The following FGGY variants were observed in gnomAD, a reference collection of about 807,000 sequenced individuals.
FGGY encodes FGGY carbohydrate kinase domain containing.
Under a neutral mutation model 71.3 loss-of-function variants are expected in FGGY, and 72 were observed. The ratio of observed to expected loss-of-function variants is 1.01; its 90% CI spans 0.84 to 1.23. The LOEUF (loss-of-function observed/expected upper bound fraction) is 1.23. Ranked by LOEUF, FGGY falls within the 50% of genes most tolerant of loss-of-function variation. FGGY has a pLI of 0.00. For missense variants in FGGY, 668 were observed against 682.3 expected (o/e 0.98, Z 0.23); for synonymous variants, 251 against 250.3 (o/e 1.00, Z -0.02).
intron 6 of FGGY, among the ~76,000 whole-genome samples, chr1:59,466,232 C>A (rs866043453): frequency 6.6e-6 from 1 of 152,076 alleles, no homozygotes; most frequent in South Asian, 2.1e-4. Flanking sequence ...TTTGACAAAC[C>A]TGACAAAAAC....
At chr1:59,746,374 C>T (rs2098197881) in intron 14 of FGGY, among the ~76,000 whole-genome samples, 1 of 152,148 alleles carries the variant, frequency 6.6e-6, no homozygotes, top group Non-Finnish European at 1.5e-5. Flanking sequence ...ACTTACCTTT[C>T]AATAAAGTTT....
chr1:59,464,927 G>A (rs992128198), intron 6 of FGGY, among the ~76,000 whole-genome samples: 5 of 151,396 alleles, frequency 3.3e-5, no homozygotes, highest in Admixed American at 6.6e-5. Context: ...ATTCACAGCC[G>A]ACTTCTACAA....
chr1:59,333,692 G>A (rs994372387), intron 2 of FGGY, among the ~76,000 whole-genome samples: 11 of 152,206 alleles, frequency 7.2e-5, no homozygotes, highest in Non-Finnish European at 1.0e-4. Context: ...GAGAGGAGTT[G>A]CAATGGCTAG....
chr1:59,319,430 A>C (rs2045995760), intron 1 of FGGY, among the ~76,000 whole-genome samples: 1 of 152,204 alleles, frequency 6.6e-6, no homozygotes, highest in Non-Finnish European at 1.5e-5. Context: ...GAAGACAGAC[A>C]TGGAAAGAAA....
rs202093249 is a variant in FGGY, at chr1:59,697,424, C to CCT, written c.1512+23293_1512+23294dup. Among the ~76,000 whole-genome samples, 1,122 of 152,222 alleles carry CCT rather than the reference C, an allele frequency of 7.4e-3. 10 individuals carry two copies. Among genetic ancestry groups the CCT allele is most frequent in the African/African-American group, 0.025 (1,025 of 41,538 alleles). ...TGTGAATTTAACTACTCTTTAGATA[C>CCT]CTCATATAAGTGGAATCATACAGCA... On this transcript the variant is annotated intron_variant, in intron 14 of 15. Coordinates refer to ENST00000303721, the MANE Select transcript of FGGY (RefSeq NM_018291.5).
intron 5 of FGGY, among the ~76,000 whole-genome samples, chr1:59,382,195 C>T (rs2059546443): frequency 6.6e-6 from 1 of 152,130 alleles, no homozygotes; most frequent in Admixed American, 6.6e-5. Flanking sequence ...TACCCTCTTT[C>T]CTTCTTGTTT....
At chr1:59,576,544 G>A (rs537012112) in intron 8 of FGGY, among the ~76,000 whole-genome samples, 11 of 152,166 alleles carry the variant, frequency 7.2e-5, no homozygotes, top group East Asian at 1.9e-4. Context: ...TTCTGCACAC[G>A]TATCCCAGAA....
At chr1:59,517,530 G>T (rs2094697890) in intron 7 of FGGY, among the ~76,000 whole-genome samples, 1 of 152,214 alleles carries the variant, frequency 6.6e-6, no homozygotes, top group South Asian at 2.1e-4. Flanking sequence ...CTCCCAATCA[G>T]TTGCTCTTAT....
chr1:59,660,095 A>G lies in FGGY; in HGVS notation c.1222-124A>G, dbSNP rs553049642. The G allele has an allele frequency of 2.8e-5, 22 of 789,160 alleles. No individual in the cohort carries two copies. The Admixed American group carries it at 3.6e-4, about 13-fold the overall frequency. 48.9% of individuals were successfully genotyped at this position (789,160 alleles called of 1,614,324 possible). On this transcript the variant is annotated intron_variant, in intron 11 of 15. Transcript: ENST00000303721. The stretch of plus-strand genomic sequence containing the variant: ...GGCATTTCACGTTCCGCTCACAAAA[A>G]GGGGATTTGCATATGAACTTGTTTC...
chr1:59,664,463 C>T (rs1311085663), intron 12 of FGGY, among the ~76,000 whole-genome samples: 1 of 152,228 alleles, frequency 6.6e-6, no homozygotes, highest in Non-Finnish European at 1.5e-5. Flanking sequence ...TTCCTTTTCC[C>T]AGGAAATGTG....
At chr1:59,391,501 G>A (rs2060688183) in intron 5 of FGGY, among the ~76,000 whole-genome samples, 1 of 152,218 alleles carries the variant, frequency 6.6e-6, no homozygotes. Context: ...GGCAAAGTCT[G>A]AGGAAGGTTG....
intron 8 of FGGY, among the ~76,000 whole-genome samples, chr1:59,575,340 A>G (rs935643181): frequency 6.6e-6 from 1 of 152,198 alleles, no homozygotes; most frequent in Non-Finnish European, 1.5e-5. Flanking sequence ...AGCTTTACAT[A>G]TAAGTGAAAT....
intron 1 of FGGY, among the ~76,000 whole-genome samples, chr1:59,309,463 G>A (rs1250048838): frequency 6.6e-6 from 1 of 152,178 alleles, no homozygotes; most frequent in Admixed American, 6.5e-5. Flanking sequence ...GAGGCAGGGA[G>A]CTAAGGTTAG....
At chr1:59,740,955 T>C (rs978299446) in intron 14 of FGGY, among the ~76,000 whole-genome samples, 2 of 152,234 alleles carry the variant, frequency 1.3e-5, no homozygotes, top group African/African-American at 4.8e-5. Context: ...ATCTCATAAA[T>C]AATTTTTGTA....
At chr1:59,715,082 G>A (rs2097834518) in intron 14 of FGGY, among the ~76,000 whole-genome samples, 1 of 152,066 alleles carries the variant, frequency 6.6e-6, no homozygotes, top group African/African-American at 2.4e-5. Context: ...TAACAGCTTG[G>A]GATTCTTGTC....
intron 11 of FGGY, among the ~76,000 whole-genome samples, chr1:59,658,344 G>T (rs1221552994): frequency 6.6e-6 from 1 of 152,182 alleles, no homozygotes; most frequent in African/African-American, 2.4e-5. Context: ...CACAGTTAAT[G>T]GCTTAGGATG....
chr1:59,380,817 T>C lies in FGGY; in HGVS notation c.554+1980T>C, dbSNP rs1027496679. 4.6e-5 allele frequency among the ~76,000 whole-genome samples: 7 copies of C among 151,612 alleles called. No homozygotes were observed. The East Asian group carries it at 5.8e-4, about 13-fold the overall frequency. ...TTTAATGAGATCCCATTTGTCAATT[T>C]TGGCTTTTGTTGCCATTGCTTTTGG... is the stretch of plus-strand genomic sequence containing the variant. On this transcript the variant is annotated intron_variant, in intron 5 of 15. Transcript: ENST00000303721.
chr1:59,547,567 TCTATTTGTAAATCAAAGTGATAATAA>T (rs1183102613), intron 7 of FGGY, among the ~76,000 whole-genome samples: 1 of 152,174 alleles, frequency 6.6e-6, no homozygotes, highest in Non-Finnish European at 1.5e-5. Flanking sequence ...TCTCCTTTTC[TCTATTTGTAAATCAAAGTGATAATAA>T]CTACCTTGCA....
intron 8 of FGGY, among the ~76,000 whole-genome samples, chr1:59,570,622 G>A (rs2095968756): frequency 6.6e-6 from 1 of 152,132 alleles, no homozygotes; most frequent in Non-Finnish European, 1.5e-5. Flanking sequence ...CCTGTTTGTA[G>A]TTCTGTGCAG....
Sources: allele counts gnomAD v4.1 joint callset (sites outside exome capture counted in the v4.1 genomes callset), GRCh38; gene constraint gnomAD v4.1.1; transcripts MANE v1.5; gene names NCBI Gene and HGNC (gene_info 2026-07-23, HGNC 2026-07-21).